Variants in HIVEP3 observed in about 807,000 individuals in gnomAD.
The protein encoded by HIVEP3 is HIVEP zinc finger 3.
In HIVEP3, 49 loss-of-function variants were observed where a neutral mutation model predicts 152.8. The observed-to-expected ratio is 0.32, with a 90% CI of 0.26 to 0.41. HIVEP3 has a LOEUF of 0.41. HIVEP3 is among the 10% of genes least tolerant of loss of function. The pLI is 1.00. For missense variants in HIVEP3, 2,790 were observed against 3,103.3 expected, an observed-to-expected ratio of 0.90 and a Z score of 2.40; for synonymous variants, 1,269 against 1,289.0, an observed-to-expected ratio of 0.98 and a Z score of 0.33.
intron 5 of HIVEP3, among the ~76,000 whole-genome samples, chr1:41,567,705 G>A (rs1255460429): frequency 2.6e-5 from 4 of 152,076 alleles, no homozygotes; most frequent in Non-Finnish European, 4.4e-5. Context: ...CCTGGCCTGG[G>A]AGCTGGCCCA....
intron 1 of HIVEP3, among the ~76,000 whole-genome samples, chr1:42,000,528 A>G (rs958487163): frequency 6.6e-6 from 1 of 152,150 alleles, no homozygotes; most frequent in African/African-American, 2.4e-5. Flanking sequence ...AGGATGGGAG[A>G]GTATGCTCAG....
intron 1 of HIVEP3, among the ~76,000 whole-genome samples, chr1:41,833,343 A>G (rs1260285385): frequency 6.6e-6 from 1 of 152,182 alleles, no homozygotes; most frequent in African/African-American, 2.4e-5. Flanking sequence ...CTTCCCACAC[A>G]ATGCAAAGCC....
At chr1:41,853,282 T>A (rs147274061) in intron 1 of HIVEP3, among the ~76,000 whole-genome samples, 1 of 152,284 alleles carries the variant, frequency 6.6e-6, no homozygotes, top group East Asian at 1.9e-4. Context: ...CACACGGCTA[T>A]AAGGACATAC....
chr1:42,028,303 C>A (rs1192411496), intron 1 of HIVEP3, among the ~76,000 whole-genome samples: 6 of 152,156 alleles, frequency 3.9e-5, no homozygotes, highest in African/African-American at 1.4e-4. Context: ...TAGTGCCTGG[C>A]ATTATAGTAA....
chr1:42,011,949 A>T (rs905886926), intron 1 of HIVEP3, among the ~76,000 whole-genome samples: 10 of 152,206 alleles, frequency 6.6e-5, no homozygotes, highest in Non-Finnish European at 1.5e-5. Context: ...ACTTCTCTAC[A>T]GGGCCTCATC....
At chr1:41,974,486 TACACACACACACACAC>T (rs66882363) in intron 1 of HIVEP3, among the ~76,000 whole-genome samples, 4 of 134,202 alleles carry the variant, frequency 3.0e-5, no homozygotes, top group Non-Finnish European at 4.8e-5. Flanking sequence ...CTCCACCCCC[TACACACACACACACAC>T]ACACACACAC....
At chr1:41,650,079 G>C (rs1390552345) in intron 2 of HIVEP3, among the ~76,000 whole-genome samples, 1 of 152,080 alleles carries the variant, frequency 6.6e-6, no homozygotes, top group African/African-American at 2.4e-5. Flanking sequence ...TTGGAATGTG[G>C]TGGTGACAGA....
chr1:41,517,544 C>T (rs1271713406), intron 7 of HIVEP3, among the ~76,000 whole-genome samples: 3 of 150,554 alleles, frequency 2.0e-5, no homozygotes, highest in Non-Finnish European at 4.4e-5. Context: ...ACAAGACACA[C>T]AGTGCGTGCA....
chr1:41,848,031 C>A (rs1469434957), intron 1 of HIVEP3: 3 of 152,170 alleles, frequency 2.0e-5, no homozygotes, highest in Non-Finnish European at 4.4e-5. Context: ...CCTAAAGTGA[C>A]CCAGTTTCAG....
intron 1 of HIVEP3, among the ~76,000 whole-genome samples, chr1:41,900,675 G>T (rs1644606262): frequency 2.0e-5 from 3 of 151,912 alleles, no homozygotes; most frequent in Non-Finnish European, 4.4e-5. Flanking sequence ...CATCCCAGTG[G>T]TGATCACAGC....
chr1:41,967,255 C>T (rs1030406308), intron 1 of HIVEP3, among the ~76,000 whole-genome samples: 1 of 152,110 alleles, frequency 6.6e-6, no homozygotes, highest in African/African-American at 2.4e-5. Flanking sequence ...TATTCTTATC[C>T]CCACATGTCA....
At chr1:41,603,288 G>A (rs796222829) in intron 3 of HIVEP3, among the ~76,000 whole-genome samples, 3 of 151,922 alleles carry the variant, frequency 2.0e-5, no homozygotes, top group Admixed American at 6.6e-5. Context: ...GGCTGGTCTC[G>A]AACTGCTGAC....
intron 1 of HIVEP3, among the ~76,000 whole-genome samples, chr1:41,946,464 G>A (rs780875867): frequency 2.0e-5 from 3 of 152,164 alleles, no homozygotes; most frequent in African/African-American, 7.2e-5. Context: ...GTCACTATCC[G>A]AGGGGGTCCT....
chr1:41,619,224 AC>A (rs963043841), intron 3 of HIVEP3, among the ~76,000 whole-genome samples: 3 of 150,568 alleles, frequency 2.0e-5, no homozygotes, highest in Admixed American at 6.6e-5. Context: ...CTTTTCTGAT[AC>A]CCCCAGCACT....
intron 1 of HIVEP3, among the ~76,000 whole-genome samples, chr1:41,712,802 A>C (rs972450826): frequency 4.6e-5 from 7 of 152,164 alleles, no homozygotes; most frequent in African/African-American, 1.7e-4. Flanking sequence ...GGGGAGAAGC[A>C]ACAAACTGGT....
At chr1:41,653,899 C>T (rs147751740) in intron 2 of HIVEP3, among the ~76,000 whole-genome samples, 2 of 129,782 alleles carry the variant, frequency 1.5e-5, no homozygotes, top group Admixed American at 1.8e-4. Context: ...GGCCCCTGTT[C>T]TCTTTCATCC....
intron 2 of HIVEP3, among the ~76,000 whole-genome samples, chr1:41,687,017 T>C (rs1408106925): frequency 1.3e-5 from 2 of 151,808 alleles, no homozygotes; most frequent in East Asian, 3.9e-4. Context: ...GAACACGGAA[T>C]GGGGGTGGTG....
At chr1:41,534,450 C>T (rs1387480565) in intron 5 of HIVEP3, among the ~76,000 whole-genome samples, 1 of 152,164 alleles carries the variant, frequency 6.6e-6, no homozygotes, top group Non-Finnish European at 1.5e-5. Flanking sequence ...CTCCTCCACT[C>T]TACCAGAAAT....
In HIVEP3 at chr1:41,565,683, CAG is replaced by C. The variant is rs1188147710; in HGVS notation, c.5207+9859_5207+9860del. Among the ~76,000 whole-genome samples, 5 of 152,266 alleles carry C rather than the reference CAG, an allele frequency of 3.3e-5. No homozygotes were observed. The East Asian group carries it at 9.7e-4, about 29-fold the overall frequency. The stretch of plus-strand genomic sequence containing the variant: ...CCAGCCTGATTCCCCAGGACAGAAA[CAG>C]AGGCCAGGATCCAGGCAGACAGTGT... On this transcript the variant is annotated intron_variant, in intron 5 of 8. Coordinates refer to ENST00000372583, the MANE Select transcript of HIVEP3 (RefSeq NM_024503.5).
Sources: gnomAD v4.1 joint callset for allele counts (sites outside exome capture counted in the v4.1 genomes callset) on GRCh38, gnomAD v4.1.1 for gene constraint, MANE v1.5 for transcripts, NCBI Gene and HGNC (gene_info 2026-07-23, HGNC 2026-07-21) for gene names.